Variants in DMD observed in about 807,000 individuals in gnomAD.
The protein encoded by DMD is mutant dystrophin.
In DMD, 63 loss-of-function variants were observed where a neutral mutation model predicts 330.1. That is an observed-to-expected ratio of 0.19 (90% CI 0.16 to 0.24). DMD has a LOEUF of 0.24. Among genes scored for constraint, DMD ranks in the 10% least tolerant of loss-of-function variants. The pLI is 1.00. For synonymous variants in DMD, 1,223 were observed against 959.8 expected (o/e 1.27, Z -5.07); for missense variants, 3,344 against 2,684.1 (o/e 1.25, Z -5.43).
At chrX:32,640,567 A>C (rs1224081044) in intron 11 of DMD, among the ~76,000 whole-genome samples, 1 of 111,206 alleles carries the variant, frequency 9.0e-6, no homozygotes, top group Admixed American at 9.6e-5. Flanking sequence ...CTGTGGGCAC[A>C]AATTGAAGCA....
intron 43 of DMD, among the ~76,000 whole-genome samples, chrX:32,271,764 C>T (rs2097365872): frequency 9.0e-6 from 1 of 111,668 alleles, no homozygotes; most frequent in African/African-American, 3.3e-5. Flanking sequence ...AACATATATC[C>T]AGGTCTTAGA....
At chrX:32,412,780 C>G (rs1490331114) in intron 29 of DMD, among the ~76,000 whole-genome samples, 1 of 111,284 alleles carries the variant, frequency 9.0e-6, no homozygotes, top group Admixed American at 9.6e-5. Flanking sequence ...GCATGATTAT[C>G]AGGTACAATA....
At chrX:32,401,965 G>C (rs2098088466) in intron 30 of DMD, among the ~76,000 whole-genome samples, 1 of 112,189 alleles carries the variant, frequency 8.9e-6, no homozygotes, top group Middle Eastern at 4.6e-3. Flanking sequence ...AGAAATAATT[G>C]GGAGATTGTA....
At chrX:32,381,340 G>A (rs953052839) in intron 33 of DMD, among the ~76,000 whole-genome samples, 5 of 111,215 alleles carry the variant, frequency 4.5e-5, no homozygotes, top group Admixed American at 9.6e-5. Flanking sequence ...TTGATCCTGT[G>A]CTCCTGTTCT....
chrX:32,781,032 A>G (rs1036709813), intron 7 of DMD, among the ~76,000 whole-genome samples: 41 of 107,723 alleles, frequency 3.8e-4, no homozygotes, highest in African/African-American at 9.8e-4. Context: ...GCAGGAGAAT[A>G]GCGTGAACCC....
intron 1 of DMD, among the ~76,000 whole-genome samples, chrX:33,061,187 CTT>C (rs1220340026): frequency 8.9e-6 from 1 of 112,085 alleles, no homozygotes; most frequent in Non-Finnish European, 1.9e-5. Flanking sequence ...CAAATTTGCT[CTT>C]GTTACGTTAT....
intron 45 of DMD, among the ~76,000 whole-genome samples, chrX:31,967,172 A>T (rs1208049404): frequency 9.0e-6 from 1 of 110,744 alleles, no homozygotes; most frequent in African/African-American, 3.3e-5. Flanking sequence ...TACCTAAGGA[A>T]GTAGTTTAAC....
At chrX:31,177,388 G>C (rs965018337) in intron 71 of DMD, among the ~76,000 whole-genome samples, 2 of 111,358 alleles carry the variant, frequency 1.8e-5, no homozygotes, top group Non-Finnish European at 3.8e-5. Flanking sequence ...ATAATGATTA[G>C]TCAAATAGCA....
chrX:33,285,064 A>G (rs1171439697), intron 1 of DMD, among the ~76,000 whole-genome samples: 1 of 111,500 alleles, frequency 9.0e-6, no homozygotes, highest in African/African-American at 3.3e-5. Context: ...AGGACCTAAA[A>G]CAGGAGAGTT....
At chrX:32,215,336 T>C (rs2147853086) in intron 44 of DMD, among the ~76,000 whole-genome samples, 1 of 111,021 alleles carries the variant, frequency 9.0e-6, no homozygotes, top group African/African-American at 3.3e-5. Context: ...AATGCACAGA[T>C]TCAAGAGCTT....
intron 42 of DMD, among the ~76,000 whole-genome samples, chrX:32,309,438 C>G (rs1420293955): frequency 9.0e-6 from 1 of 111,088 alleles, no homozygotes; most frequent in Non-Finnish European, 1.9e-5. Flanking sequence ...CTTGATCCTA[C>G]ATTCATTTAT....
rs192387863 is a variant in DMD at position 32,230,540 on chromosome X, C to T, written c.6291-13477G>A. On this transcript the variant is annotated intron_variant, in intron 43 of 78. Coordinates refer to ENST00000357033, the MANE Select transcript of DMD (RefSeq NM_004006.3). ...GATTACAGGCGTGAGCCACCGCGCCCGGCCAAAAACATGTTCTTTAGAACT... is the reference window on the plus strand; with the variant it reads ...GATTACAGGCGTGAGCCACCGCGCCTGGCCAAAAACATGTTCTTTAGAACT... Among the ~76,000 whole-genome samples, 31 of 112,057 alleles carry T rather than the reference C, an allele frequency of 2.8e-4. No homozygotes were observed. The East Asian group carries it at 8.2e-3, about 30-fold the overall frequency.
Position 31,209,546 on chromosome X carries a change from G to A in DMD, c.9515C>T (p.Pro3172Leu). 8.3e-7 allele frequency: 1 copy of A among 1,211,266 alleles called. No homozygotes were observed. Among genetic ancestry groups the A allele is most frequent in the Non-Finnish European group, 1.1e-6 (1 of 895,384 alleles). ...GTTCAGACACATATCCACGCAGAGA[G>A]GGACGTTGACCAAATTGTTGTGCTC... ...EQEHNNLVNVPLCVDMCLNWL... is the reference protein window; with the variant it reads ...EQEHNNLVNVLLCVDMCLNWL... Residue 3172 changes from proline to leucine, a missense_variant, in exon 65 of 79, where the codon CCT becomes CTT. By Grantham distance (98) the Pro-to-Leu change is moderately conservative (BLOSUM62 -3). Transcript: ENST00000357033.
chrX:31,772,341 A>G (rs778140171), intron 51 of DMD, among the ~76,000 whole-genome samples: 148 of 112,032 alleles, frequency 1.3e-3, no homozygotes, highest in African/African-American at 4.7e-3. Flanking sequence ...ACAGCTTGGG[A>G]GCCAAGCTTT....
chrX:33,096,196 G>C (rs980539111), intron 1 of DMD, among the ~76,000 whole-genome samples: 6 of 109,801 alleles, frequency 5.5e-5, no homozygotes, highest in Admixed American at 2.9e-4. Flanking sequence ...GGATGGTCTC[G>C]ATCTCCTGAC....
intron 17 of DMD, among the ~76,000 whole-genome samples, chrX:32,535,635 T>C (rs2047879534): frequency 9.0e-6 from 1 of 111,547 alleles, no homozygotes; most frequent in African/African-American, 3.3e-5. Flanking sequence ...GCAGCTTCCT[T>C]ACGTTACTAG....
chrX:32,974,399 GA>G (rs2092478468), intron 2 of DMD, among the ~76,000 whole-genome samples: 1 of 110,968 alleles, frequency 9.0e-6, no homozygotes, highest in Non-Finnish European at 1.9e-5. Context: ...TGAACATACT[GA>G]AAAAACACTG....
chrX:31,259,131 A>G lies in DMD; in HGVS notation c.9286+1824T>C, dbSNP rs945093546. ...ATATTTTTAAACTTCAAAAATATGA[A>G]TAGGTATTAATTCTATAATAATAAT... On this transcript the variant is annotated intron_variant, in intron 63 of 78. Coordinates refer to ENST00000357033, the MANE Select transcript of DMD (RefSeq NM_004006.3). Among the ~76,000 whole-genome samples the G allele has an allele frequency of 2.7e-5, 3 of 112,169 alleles. No individual in the cohort carries two copies. The Admixed American group carries it at 2.8e-4, about 11-fold the overall frequency.
intron 44 of DMD, among the ~76,000 whole-genome samples, chrX:32,109,143 T>C (rs1454264525): frequency 3.6e-5 from 4 of 111,831 alleles, no homozygotes; most frequent in Non-Finnish European, 1.9e-5. Flanking sequence ...TAGCTAAAAT[T>C]TCATGTTATT....
Sources: allele counts gnomAD v4.1 joint callset (sites outside exome capture counted in the v4.1 genomes callset), GRCh38; gene constraint gnomAD v4.1.1; transcripts MANE v1.5; gene names NCBI Gene and HGNC (gene_info 2026-07-23, HGNC 2026-07-21).